Variants in KCNJ15 observed in about 807,000 individuals in gnomAD.
KCNJ15 encodes ATP-sensitive inward rectifier potassium channel 15.
KCNJ15 carries 14 observed loss-of-function variants against 23.0 expected under a neutral mutation model. That is an observed-to-expected ratio of 0.61 (90% CI 0.40 to 0.95). The LOEUF is 0.95. KCNJ15 is among the 40% of genes least tolerant of loss of function. The pLI is 0.00. For missense variants in KCNJ15, 388 were observed against 461.8 expected (o/e 0.84, Z 1.46); for synonymous variants, 185 against 183.2 (o/e 1.01, Z -0.08).
intron 1 of KCNJ15, among the ~76,000 whole-genome samples, chr21:38,246,651 T>C (rs1164255881): frequency 6.6e-6 from 1 of 152,188 alleles, no homozygotes; most frequent in African/African-American, 2.4e-5. Flanking sequence ...GAGGAACATA[T>C]TACAAAGGAA....
rs537146085 is a variant in KCNJ15 at position 38,276,473 on chromosome 21, T to C, written c.-117+19288T>C. Among the ~76,000 whole-genome samples, 24 of 152,202 alleles carry C rather than the reference T, an allele frequency of 1.6e-4. No homozygotes were observed. The East Asian group carries it at 3.7e-3, about 23-fold the overall frequency. On this transcript the variant is annotated intron_variant, in intron 1 of 2. Coordinates refer to ENST00000398938, the MANE Select transcript of KCNJ15 (RefSeq NM_170736.3). ...CACCCATTCTATGTTTTATTTAAAA[T>C]GGTAATAGGAATAGCATGTTAGAAA...
chr21:38,260,390 C>A (rs78517267), intron 1 of KCNJ15, among the ~76,000 whole-genome samples: 2,924 of 151,862 alleles, frequency 0.019, 87 homozygotes, highest in African/African-American at 0.064. Flanking sequence ...GCTGTTTTCA[C>A]AAGGGAAAGG....
rs765994962 is a variant in KCNJ15, at chr21:38,299,552, C to T, written c.291C>T (p.Pro97=). ...CGTTTATTCATGGGGACTTAGAACC[C>T]GGTGAGCCCATTTCAAATCATACCC... ...AIAFIHGDLE[P]GEPISNHTPC... Residue 97 remains proline (P), a synonymous_variant, in exon 3 of 3, where the codon CCC becomes CCT. Transcript: ENST00000398938. This position sits in a 1 kb window ranked among gnomAD's most constrained non-coding sequence, Gnocchi z 4.5. 15 of 1,614,000 alleles carry T rather than the reference C, an allele frequency of 9.3e-6. No individual in the cohort carries two copies. Among genetic ancestry groups the T allele is most frequent in the South Asian group, 5.5e-5 (5 of 91,076 alleles).
At chr21:38,297,398 C>A (rs1985270477) in intron 2 of KCNJ15, among the ~76,000 whole-genome samples, 1 of 152,188 alleles carries the variant, frequency 6.6e-6, no homozygotes, top group Non-Finnish European at 1.5e-5. Flanking sequence ...TGGCAGAGGG[C>A]TGAGTGCCCG....
chr21:38,236,128 A>T (rs144320094), intron 1 of KCNJ15, among the ~76,000 whole-genome samples: 1 of 152,122 alleles, frequency 6.6e-6, no homozygotes, highest in Middle Eastern at 3.2e-3. Context: ...CTGCATCCCA[A>T]CCCCTCTGTT....
At chr21:38,284,846 A>G (rs1267742312) in intron 1 of KCNJ15, among the ~76,000 whole-genome samples, 1 of 152,158 alleles carries the variant, frequency 6.6e-6, no homozygotes, top group Non-Finnish European at 1.5e-5. Flanking sequence ...GACATGTTAT[A>G]TACCCCATGT....
At chr21:38,247,635 T>C (rs572954980) in intron 1 of KCNJ15, among the ~76,000 whole-genome samples, 1 of 152,294 alleles carries the variant, frequency 6.6e-6, no homozygotes, top group Admixed American at 6.5e-5. Flanking sequence ...GATGGATTGA[T>C]TGAATAAAAT....
chr21:38,276,191 T>A (rs1262882845), intron 1 of KCNJ15, among the ~76,000 whole-genome samples: 3 of 151,966 alleles, frequency 2.0e-5, no homozygotes, highest in African/African-American at 7.3e-5. Context: ...TCAAATGGTA[T>A]ACTTTCGAGG....
chr21:38,249,149 C>A (rs1979658663), intron 1 of KCNJ15, among the ~76,000 whole-genome samples: 1 of 152,108 alleles, frequency 6.6e-6, no homozygotes, highest in African/African-American at 2.4e-5. Context: ...AGCTTCGGTT[C>A]AATTTTGCTG....
intron 1 of KCNJ15, chr21:38,272,668 T>G (rs1982228779): frequency 6.6e-6 from 1 of 152,226 alleles, no homozygotes; most frequent in African/African-American, 2.4e-5. Flanking sequence ...ATCAAAGTGA[T>G]TCACCTTAAC....
intron 2 of KCNJ15, chr21:38,298,063 T>C (rs1985342184): frequency 6.6e-6 from 1 of 152,154 alleles, no homozygotes; most frequent in Admixed American, 6.5e-5. Context: ...TTTTTTTAGT[T>C]CCTAAAATAC....
At chr21:38,255,040 G>T (rs1470598576), upstream of KCNJ15, among the ~76,000 whole-genome samples, 1 of 152,182 alleles carries the variant, frequency 6.6e-6, no homozygotes, top group African/African-American at 2.4e-5. Context: ...TGGTGAATAA[G>T]ACAGGTACCA....
intron 1 of KCNJ15, among the ~76,000 whole-genome samples, chr21:38,231,324 A>T (rs570216176): frequency 1.3e-5 from 2 of 152,100 alleles, no homozygotes; most frequent in East Asian, 3.9e-4. Flanking sequence ...AAATTAATTT[A>T]TTCTAATTAT....
At chr21:38,287,501 A>G (rs1237004903) in intron 1 of KCNJ15, among the ~76,000 whole-genome samples, 1 of 152,266 alleles carries the variant, frequency 6.6e-6, no homozygotes, top group African/African-American at 2.4e-5. Flanking sequence ...ATATGTAAAT[A>G]GTACATATGT....
intron 1 of KCNJ15, among the ~76,000 whole-genome samples, chr21:38,293,411 C>T (rs1433004414): frequency 1.3e-5 from 2 of 152,186 alleles, no homozygotes; most frequent in Non-Finnish European, 2.9e-5. Context: ...CCCACCCCCG[C>T]TACGCCCGGG....
intron 1 of KCNJ15, among the ~76,000 whole-genome samples, chr21:38,258,112 T>A (rs1213579128): frequency 6.6e-6 from 1 of 152,162 alleles, no homozygotes; most frequent in East Asian, 1.9e-4. Flanking sequence ...TTAAAATTCA[T>A]TTTTTGCAAC....
intron 1 of KCNJ15, among the ~76,000 whole-genome samples, chr21:38,261,269 T>C (rs1980861811): frequency 6.6e-6 from 1 of 152,272 alleles, no homozygotes; most frequent in South Asian, 2.1e-4. Flanking sequence ...GATTGCACAA[T>C]TTGGGGGCTT....
chr21:38,251,824 C>A (rs1979860126), upstream of KCNJ15, among the ~76,000 whole-genome samples: 1 of 152,118 alleles, frequency 6.6e-6, no homozygotes, highest in Admixed American at 6.6e-5. Context: ...TTATTGGTCA[C>A]CTTACAAAGG....
chr21:38,281,121 G>C (rs747871351), intron 1 of KCNJ15, among the ~76,000 whole-genome samples: 3 of 152,104 alleles, frequency 2.0e-5, no homozygotes, highest in Non-Finnish European at 4.4e-5. Context: ...ATTTAAATGA[G>C]CCCTCAGGGA....
Sources: allele counts gnomAD v4.1 joint callset (sites outside exome capture counted in the v4.1 genomes callset), GRCh38; gene constraint gnomAD v4.1.1; non-coding constraint Gnocchi (gnomAD v3.1); transcripts MANE v1.5; gene names NCBI Gene and HGNC (gene_info 2026-07-23, HGNC 2026-07-21).